The following TMCC3 variants were observed in gnomAD, a reference collection of about 807,000 sequenced individuals.
The protein encoded by TMCC3 is transmembrane and coiled-coil domain family 3.
In TMCC3, 28 loss-of-function variants were observed where a neutral mutation model predicts 40.2. The ratio of observed to expected loss-of-function variants is 0.70; its 90% CI spans 0.52 to 0.95. The LOEUF is 0.95. TMCC3 is among the 40% of genes least tolerant of loss of function. The pLI is 0.00. For missense variants in TMCC3, 554 were observed against 615.2 expected, an observed-to-expected ratio of 0.90 and a Z score of 1.05; for synonymous variants, 255 against 248.5, an observed-to-expected ratio of 1.03 and a Z score of -0.25.
At chr12:94,645,636 T>A (rs1338822734) in intron 1 of TMCC3, among the ~76,000 whole-genome samples, 1 of 152,084 alleles carries the variant, frequency 6.6e-6, no homozygotes, top group African/African-American at 2.4e-5. Flanking sequence ...GACCGGATTT[T>A]ACCATGTTGG....
chr12:94,632,511 C>A (rs2068938858), intron 1 of TMCC3, among the ~76,000 whole-genome samples: 1 of 152,184 alleles, frequency 6.6e-6, no homozygotes, highest in South Asian at 2.1e-4. Flanking sequence ...TTTTCTCTTA[C>A]AGATATTAAA....
chr12:94,630,968 A>C (rs2068930367), intron 1 of TMCC3, among the ~76,000 whole-genome samples: 1 of 152,120 alleles, frequency 6.6e-6, no homozygotes, highest in Non-Finnish European at 1.5e-5. Context: ...ACCTCAAGTG[A>C]TCTGCCCACC....
rs79026954 is a variant in TMCC3, at chr12:94,649,868, C to T, written c.78+485G>A. ...GGGCAGAGCCCGTCCGCCGCCTCCC[C>T]GCGCTCCGGCTGCGCACCGCGCTCG... On this transcript the variant is annotated intron_variant, in intron 1 of 3. Coordinates refer to ENST00000261226, the MANE Select transcript of TMCC3 (RefSeq NM_020698.4). 6.1e-3 allele frequency among the ~76,000 whole-genome samples: 922 copies of T among 152,356 alleles called. 6 individuals are homozygous for T. Among genetic ancestry groups the T allele is most frequent in the Non-Finnish European group, 9.6e-3 (653 of 68,032 alleles).
chr12:94,646,147 G>A (rs995428059), intron 1 of TMCC3, among the ~76,000 whole-genome samples: 1 of 152,154 alleles, frequency 6.6e-6, no homozygotes, highest in Admixed American at 6.5e-5. Flanking sequence ...TGGAACAGAA[G>A]TTGGTGAAGG....
intron 1 of TMCC3, among the ~76,000 whole-genome samples, chr12:94,630,773 G>A (rs1486882508): frequency 1.3e-5 from 2 of 152,144 alleles, no homozygotes; most frequent in Admixed American, 1.3e-4. Context: ...CTGTCGCCCA[G>A]GCTGGAGTGC....
At position 94,567,382 on chromosome 12, in the gene TMCC3, G is replaced by A. The variant is rs1833675351; in HGVS notation, c.*4053C>T. ...ACTGCCTAAACATATCTTAAACACA[G>A]AGCACGTTTTGTTGAAATATTTCTC... On this transcript the variant is annotated 3_prime_UTR_variant, in exon 4 of 4. Coordinates refer to ENST00000261226, the MANE Select transcript of TMCC3 (RefSeq NM_020698.4). 6.6e-6 allele frequency: 1 copy of A among 152,164 alleles called. No individual in the cohort carries two copies. The highest frequency in any genetic ancestry group is 6.5e-5 in the Admixed American group (1 of 15,282). 9.4% of individuals were successfully genotyped at this position (152,164 alleles called of 1,614,324 possible).
chr12:94,574,231 T>C (rs563794035), intron 3 of TMCC3, among the ~76,000 whole-genome samples: 122 of 151,130 alleles, frequency 8.1e-4, no homozygotes, highest in African/African-American at 2.9e-3. Flanking sequence ...AAAAAAAAAA[T>C]ACAAAAATTA....
intron 1 of TMCC3, among the ~76,000 whole-genome samples, chr12:94,611,332 A>G (rs981762250): frequency 6.6e-6 from 1 of 152,346 alleles, no homozygotes; most frequent in Middle Eastern, 3.4e-3. Flanking sequence ...TAAAAGTCCC[A>G]TTAAAATATT....
intron 1 of TMCC3, among the ~76,000 whole-genome samples, chr12:94,632,667 C>A (rs763368013): frequency 2.0e-5 from 3 of 152,238 alleles, no homozygotes; most frequent in Non-Finnish European, 2.9e-5. Flanking sequence ...TTAAGAAACT[C>A]TCCCACGAGT....
At chr12:94,594,911 C>G (rs558255312) in intron 1 of TMCC3, among the ~76,000 whole-genome samples, 1 of 152,184 alleles carries the variant, frequency 6.6e-6, no homozygotes, top group Non-Finnish European at 1.5e-5. Flanking sequence ...TTCGGCATCT[C>G]CAGCCTGAAC....
At chr12:94,622,654 G>T (rs1377755734) in intron 1 of TMCC3, among the ~76,000 whole-genome samples, 4 of 152,054 alleles carry the variant, frequency 2.6e-5, no homozygotes, top group African/African-American at 9.7e-5. Context: ...CATCTGGTCG[G>T]ACATTTTCCA....
In TMCC3 at chr12:94,571,427, C is replaced by T; in HGVS notation, c.*8G>A. 1.9e-6 allele frequency: 3 copies of T among 1,607,448 alleles called. No individual in the cohort carries two copies. Among genetic ancestry groups the T allele is most frequent in the Non-Finnish European group, 1.7e-6 (2 of 1,174,562 alleles). ...CTTGAAAGAACTTGAAGGCAGGAAC[C>T]AGTGGCTTCATCTTGGTATTATCAT... On this transcript the variant is annotated 3_prime_UTR_variant, in exon 4 of 4. Transcript: ENST00000261226.
At chr12:94,588,058 G>A (rs183443726) in intron 1 of TMCC3, among the ~76,000 whole-genome samples, 16 of 152,244 alleles carry the variant, frequency 1.1e-4, no homozygotes, top group Admixed American at 1.0e-3. Flanking sequence ...CCGGACAGAC[G>A]TCAAAATCTA....
At position 94,569,015 on chromosome 12, in the gene TMCC3, G is replaced by C. The variant is rs1290004; in HGVS notation, c.*2420C>G. The C allele has an allele frequency of 0.2, 31,121 of 152,142 alleles. 3,354 individuals carry two copies. The highest frequency in any genetic ancestry group is 0.33 in the Middle Eastern group (98 of 294). 9.4% of individuals were successfully genotyped at this position (152,142 alleles called of 1,614,324 possible). Reference sequence around the variant, plus strand: ...TGGGGAGAAGATACACGGATCACAGGTCTGAGAAGTGTGCATTAAAGCACA... The same window carrying C: ...TGGGGAGAAGATACACGGATCACAGCTCTGAGAAGTGTGCATTAAAGCACA... On this transcript the variant is annotated 3_prime_UTR_variant, in exon 4 of 4. Coordinates refer to ENST00000261226, the MANE Select transcript of TMCC3 (RefSeq NM_020698.4).
At chr12:94,650,124 G>A (rs1273863595) in intron 1 of TMCC3, among the ~76,000 whole-genome samples, 2 of 152,140 alleles carry the variant, frequency 1.3e-5, no homozygotes, top group Non-Finnish European at 2.9e-5. Context: ...GGGGACCTGG[G>A]CGCCGTGAGG....
Position 94,582,084 on chromosome 12 carries a change from G to C in TMCC3, c.533C>G (p.Pro178Arg). 1 of 1,614,174 alleles carries C rather than the reference G, an allele frequency of 6.2e-7. No homozygotes were observed. Among genetic ancestry groups the C allele is most frequent in the Non-Finnish European group, 8.5e-7 (1 of 1,180,040 alleles). ...KDAHVKSRTA[P>R]HCMESSKSGM... is the part of the protein sequence containing the mutation. Reference sequence around the variant, plus strand: ...CGATTTGCTGCTCTCCATGCAATGGGGGGCAGTTCGAGATTTCACGTGGGC... The same window carrying C: ...CGATTTGCTGCTCTCCATGCAATGGCGGGCAGTTCGAGATTTCACGTGGGC... The change falls in exon 2 of 4, where the codon CCC becomes CGC. Residue 178 changes from proline to arginine, a missense_variant. Transcript: ENST00000261226.
chr12:94,608,098 T>C (rs1217529649), intron 1 of TMCC3, among the ~76,000 whole-genome samples: 1 of 152,204 alleles, frequency 6.6e-6, no homozygotes, highest in Non-Finnish European at 1.5e-5. Context: ...ATATACTTCA[T>C]ATTATAGGAT....
chr12:94,646,737 C>T (rs1362738075), intron 1 of TMCC3, among the ~76,000 whole-genome samples: 2 of 131,790 alleles, frequency 1.5e-5, no homozygotes, highest in African/African-American at 5.5e-5. Flanking sequence ...CCGTGCCTGG[C>T]TTTTTTTTTT....
intron 1 of TMCC3, among the ~76,000 whole-genome samples, chr12:94,641,158 C>A (rs2068988311): frequency 6.6e-6 from 1 of 151,540 alleles, no homozygotes; most frequent in Non-Finnish European, 1.5e-5. Context: ...CAAGATGGCA[C>A]CACTGCACTC....
Sources: allele counts gnomAD v4.1 joint callset (sites outside exome capture counted in the v4.1 genomes callset), GRCh38; gene constraint gnomAD v4.1.1; transcripts MANE v1.5; gene names NCBI Gene and HGNC (gene_info 2026-07-23, HGNC 2026-07-21).